Variants in CTNNA3 observed in about 807,000 individuals in gnomAD.
The protein encoded by CTNNA3 is catenin alpha-3.
In CTNNA3, 76 loss-of-function variants were observed where a neutral mutation model predicts 95.7. The observed-to-expected ratio is 0.79, with a 90% CI of 0.66 to 0.96. CTNNA3 has a LOEUF of 0.96. Among genes scored for constraint, CTNNA3 ranks in the 40% least tolerant of loss-of-function variants. The pLI, the probability that CTNNA3 is intolerant of heterozygous loss-of-function variation, is 0.00. For synonymous variants in CTNNA3, 431 were observed against 374.4 expected (o/e 1.15, Z -1.74); for missense variants, 1,191 against 1,089.8 (o/e 1.09, Z -1.31).
chr10:67,559,537 G>A (rs538750272), intron 3 of CTNNA3, among the ~76,000 whole-genome samples: 1 of 152,140 alleles, frequency 6.6e-6, no homozygotes, highest in African/African-American at 2.4e-5. Context: ...ACAAAGATGG[G>A]GAAAAAACAG....
chr10:67,392,101 C>T (rs1351964489), intron 5 of CTNNA3, among the ~76,000 whole-genome samples: 2 of 152,088 alleles, frequency 1.3e-5, no homozygotes, highest in African/African-American at 4.8e-5. Flanking sequence ...AACAAACTAC[C>T]ATCAGAGTGA....
At chr10:66,630,071 C>T (rs1199464765) in intron 9 of CTNNA3, among the ~76,000 whole-genome samples, 1 of 152,092 alleles carries the variant, frequency 6.6e-6, no homozygotes, top group African/African-American at 2.4e-5. Context: ...AAAGCAGGGA[C>T]CACCCCTGTA....
At chr10:66,523,967 T>C (rs1428533428) in intron 10 of CTNNA3, among the ~76,000 whole-genome samples, 2 of 152,192 alleles carry the variant, frequency 1.3e-5, no homozygotes. Flanking sequence ...CTACAGTTCA[T>C]TCTGCTGTAA....
At chr10:66,661,626 T>C (rs1846267593) in intron 9 of CTNNA3, among the ~76,000 whole-genome samples, 1 of 151,968 alleles carries the variant, frequency 6.6e-6, no homozygotes, top group African/African-American at 2.4e-5. Flanking sequence ...GTCTCCAGGG[T>C]TTTAAGTGCA....
chr10:67,654,470 G>A (rs147596265), intron 1 of CTNNA3, among the ~76,000 whole-genome samples: 68 of 150,252 alleles, frequency 4.5e-4, no homozygotes, highest in African/African-American at 1.5e-3. Flanking sequence ...GAGTTAAGGT[G>A]AAAAGTCATG....
chr10:67,262,690 G>A (rs774710005), intron 5 of CTNNA3, among the ~76,000 whole-genome samples: 2 of 151,994 alleles, frequency 1.3e-5, no homozygotes, highest in African/African-American at 4.8e-5. Context: ...GATCTTTGGC[G>A]GGGAAAAATC....
At chr10:67,323,568 G>A (rs778521836) in intron 5 of CTNNA3, among the ~76,000 whole-genome samples, 2 of 152,056 alleles carry the variant, frequency 1.3e-5, no homozygotes, top group Admixed American at 6.6e-5. Flanking sequence ...TGTTCCACTG[G>A]TCTATGTGTC....
chr10:66,537,917 C>G (rs1244424342), intron 10 of CTNNA3, among the ~76,000 whole-genome samples: 1 of 152,074 alleles, frequency 6.6e-6, no homozygotes, highest in Non-Finnish European at 1.5e-5. Context: ...AGAACTTTTA[C>G]TATATTGAAA....
intron 5 of CTNNA3, among the ~76,000 whole-genome samples, chr10:67,348,209 G>A (rs923740143): frequency 6.6e-6 from 1 of 152,140 alleles, no homozygotes; most frequent in African/African-American, 2.4e-5. Context: ...AGAAAACATA[G>A]TGGAAAATCT....
At chr10:66,871,612 A>G (rs1194412294) in intron 7 of CTNNA3, among the ~76,000 whole-genome samples, 4 of 150,818 alleles carry the variant, frequency 2.7e-5, no homozygotes, top group East Asian at 1.9e-4. Flanking sequence ...TTTTTCTAAT[A>G]TTAAGTACAT....
At chr10:67,053,911 T>C (rs1022121447) in intron 7 of CTNNA3, among the ~76,000 whole-genome samples, 4 of 152,108 alleles carry the variant, frequency 2.6e-5, no homozygotes, top group Non-Finnish European at 5.9e-5. Flanking sequence ...CATGATTACC[T>C]CCCAAATGGT....
chr10:66,928,377 C>T (rs760637632), intron 7 of CTNNA3: 36 of 1,614,166 alleles, frequency 2.2e-5, no homozygotes, highest in Non-Finnish European at 2.8e-5. Flanking sequence ...AACCCACCAA[C>T]ACGGAGACCA....
At chr10:66,409,551 C>A (rs1026260235) in intron 11 of CTNNA3, among the ~76,000 whole-genome samples, 1 of 152,128 alleles carries the variant, frequency 6.6e-6, no homozygotes, top group East Asian at 1.9e-4. Flanking sequence ...ATGAATATGA[C>A]ATCTATTATC....
chr10:67,387,785 C>T (rs970267907), intron 5 of CTNNA3, among the ~76,000 whole-genome samples: 2 of 152,232 alleles, frequency 1.3e-5, no homozygotes, highest in East Asian at 1.9e-4. Flanking sequence ...GGGAGGCACC[C>T]TCCAGCAGGA....
At chr10:67,691,803 G>A (rs1250502884) in intron 1 of CTNNA3, among the ~76,000 whole-genome samples, 3 of 143,856 alleles carry the variant, frequency 2.1e-5, no homozygotes, top group Non-Finnish European at 3.1e-5. Flanking sequence ...CCGTCCAGGA[G>A]GTGAGGGGCG....
chr10:67,466,293 C>T (rs987762754), intron 5 of CTNNA3, among the ~76,000 whole-genome samples: 3 of 152,098 alleles, frequency 2.0e-5, no homozygotes, highest in South Asian at 2.1e-4. Flanking sequence ...AGTTGTGCCA[C>T]AAAATTATAA....
At chr10:67,711,533 C>G (rs1841108460) in intron 1 of CTNNA3, among the ~76,000 whole-genome samples, 1 of 152,102 alleles carries the variant, frequency 6.6e-6, no homozygotes, top group Non-Finnish European at 1.5e-5. Context: ...GAACTTTGAA[C>G]TTGAGAGAGA....
At chr10:66,659,687 G>C (rs1255736665) in intron 9 of CTNNA3, among the ~76,000 whole-genome samples, 2 of 152,096 alleles carry the variant, frequency 1.3e-5, no homozygotes. Context: ...CTTTAAGAAA[G>C]AGGTCCCAAG....
intron 7 of CTNNA3, among the ~76,000 whole-genome samples, chr10:67,150,340 T>C (rs986517689): frequency 3.9e-5 from 6 of 152,164 alleles, no homozygotes; most frequent in Non-Finnish European, 5.9e-5. Context: ...ACATATGCTG[T>C]ATGTAGGAAA....
Sources: gnomAD v4.1 joint callset for allele counts (sites outside exome capture counted in the v4.1 genomes callset) on GRCh38, gnomAD v4.1.1 for gene constraint, MANE v1.5 for transcripts, NCBI Gene and HGNC (gene_info 2026-07-23, HGNC 2026-07-21) for gene names.